The following ZEB1 variants were observed in gnomAD, a reference collection of about 807,000 sequenced individuals.
ZEB1 encodes the protein zinc finger E-box-binding homeobox 1.
In ZEB1, 21 loss-of-function variants were observed where a neutral mutation model predicts 84.9. That is an observed-to-expected ratio of 0.25 (90% CI 0.18 to 0.36). The LOEUF (loss-of-function observed/expected upper bound fraction) is 0.36. Ranked by LOEUF, ZEB1 falls within the 10% of genes least tolerant of loss-of-function variation. The pLI is 1.00. For synonymous variants in ZEB1, 420 were observed against 471.1 expected (o/e 0.89, Z 1.41); for missense variants, 1,104 against 1,330.2 (o/e 0.83, Z 2.65).
At chr10:31,495,958 T>C in intron 3 of ZEB1, 120 bp downstream of exon 3, 1 of 1,084,892 alleles carries the variant, frequency 9.2e-7, no homozygotes, top group Non-Finnish European at 1.4e-6. Flanking sequence ...TTACCTTCCT[T>C]AAATGTTTAA....
In ZEB1 at chr10:31,489,735, A is replaced by C. The variant is rs1591802577; in HGVS notation, c.260-6041A>C. Among the ~76,000 whole-genome samples the C allele has an allele frequency of 2.0e-5, 3 of 151,458 alleles. No individual in the cohort carries two copies. In the South Asian group the frequency reaches 6.2e-4, roughly 31 times the overall value. On this transcript the variant is annotated intron_variant, in intron 2 of 8. Coordinates refer to ENST00000424869, the MANE Select transcript of ZEB1 (RefSeq NM_001174096.2). ...TTTTACCCTGCCAAGTGGATTGTAT[A>C]AATCTTTCATGTAAGTCTTGTTATT...
At chr10:31,457,457 A>G (rs1301730860) in intron 1 of ZEB1, among the ~76,000 whole-genome samples, 1 of 152,172 alleles carries the variant, frequency 6.6e-6, no homozygotes, top group Non-Finnish European at 1.5e-5. Flanking sequence ...GACAGTAAAA[A>G]TCTTGGAAAA....
At chr10:31,373,822 C>A (rs2046149429) in intron 1 of ZEB1, among the ~76,000 whole-genome samples, 1 of 151,752 alleles carries the variant, frequency 6.6e-6, no homozygotes, top group Non-Finnish European at 1.5e-5. Flanking sequence ...GTGATAAAAT[C>A]AGACATCTCT....
Position 31,444,162 on chromosome 10 carries a change from A to G in ZEB1, c.59-16875A>G, listed in dbSNP as rs1487833358. Among the ~76,000 whole-genome samples, 7 of 149,814 alleles carry G rather than the reference A, an allele frequency of 4.7e-5. No homozygotes were observed. In the East Asian group the frequency reaches 1.2e-3, roughly 25 times the overall value. On this transcript the variant is annotated intron_variant, in intron 1 of 8. Transcript: ENST00000424869. ...TTTGATTTGCATTTCTCTGATGGCTAGTGATGATGAGCATTTTTTCATGTG... is the reference window on the plus strand; with the variant it reads ...TTTGATTTGCATTTCTCTGATGGCTGGTGATGATGAGCATTTTTTCATGTG...
intron 1 of ZEB1, among the ~76,000 whole-genome samples, chr10:31,329,243 G>A (rs1341567490): frequency 1.3e-5 from 2 of 152,070 alleles, no homozygotes. Context: ...CTAGAGGTTA[G>A]ATTTAATGTT....
chr10:31,506,389 A>G (rs1223233047), intron 4 of ZEB1, among the ~76,000 whole-genome samples: 1 of 152,084 alleles, frequency 6.6e-6, no homozygotes, highest in African/African-American at 2.4e-5. Context: ...TTATTGTATT[A>G]GAATCTGTCT....
At chr10:31,483,984 A>T (rs1164405401) in intron 2 of ZEB1, among the ~76,000 whole-genome samples, 2 of 151,850 alleles carry the variant, frequency 1.3e-5, no homozygotes, top group Non-Finnish European at 2.9e-5. Flanking sequence ...TCATACAAGG[A>T]CCCCATTTCC....
chr10:31,398,815 G>C (rs2051324392), intron 1 of ZEB1, among the ~76,000 whole-genome samples: 1 of 151,754 alleles, frequency 6.6e-6, no homozygotes, highest in African/African-American at 2.4e-5. Context: ...CCCTCTGGCT[G>C]CTGCTTTTTC....
intron 2 of ZEB1, among the ~76,000 whole-genome samples, chr10:31,466,263 A>C (rs1447853481): frequency 6.6e-6 from 1 of 152,220 alleles, no homozygotes; most frequent in Non-Finnish European, 1.5e-5. Flanking sequence ...CACTAGACAA[A>C]ATGGACCTGA....
chr10:31,443,487 GT>G (rs1450819440), intron 1 of ZEB1, among the ~76,000 whole-genome samples: 19 of 149,392 alleles, frequency 1.3e-4, no homozygotes, highest in Non-Finnish European at 2.4e-4. Context: ...ACGTATACAT[GT>G]GCCATGCTGG....
chr10:31,402,204 G>T (rs966202356), intron 1 of ZEB1, among the ~76,000 whole-genome samples: 1 of 152,022 alleles, frequency 6.6e-6, no homozygotes, highest in Non-Finnish European at 1.5e-5. Context: ...AAAAGTGTAG[G>T]TTGGAGATGG....
intron 1 of ZEB1, among the ~76,000 whole-genome samples, chr10:31,324,994 T>C (rs960873949): frequency 1.3e-5 from 2 of 152,114 alleles, no homozygotes; most frequent in Non-Finnish European, 1.5e-5. Context: ...TTGAGTATTA[T>C]GTCACTAAAG....
intron 1 of ZEB1, among the ~76,000 whole-genome samples, chr10:31,324,319 C>G (rs1564460567): frequency 6.6e-6 from 1 of 151,950 alleles, no homozygotes. Flanking sequence ...TGAGAAACTT[C>G]TGTTAAATTG....
intron 1 of ZEB1, among the ~76,000 whole-genome samples, chr10:31,385,648 C>T (rs1256943651): frequency 1.3e-5 from 2 of 151,890 alleles, no homozygotes; most frequent in African/African-American, 4.8e-5. Context: ...TGCCTTAGCC[C>T]CCCCAAGTAA....
intron 1 of ZEB1, among the ~76,000 whole-genome samples, chr10:31,335,464 C>T (rs1290219351): frequency 6.6e-6 from 1 of 152,080 alleles, no homozygotes; most frequent in East Asian, 1.9e-4. Flanking sequence ...TGGGTTTACT[C>T]TAGAATTTCA....
Position 31,364,966 on chromosome 10 carries a change from G to C in ZEB1, c.58+45674G>C, listed in dbSNP as rs191644946. 9.0e-4 allele frequency among the ~76,000 whole-genome samples: 137 copies of C among 152,278 alleles called. 1 individual carries two copies. The highest frequency in any genetic ancestry group is 3.2e-3 in the African/African-American group (131 of 41,548). On this transcript the variant is annotated intron_variant, in intron 1 of 8. Transcript: ENST00000424869. ...GCTCCAGTCCTCTACAAAGACGTAG[G>C]GCAGGAACTACCAGTTGTCAGCACA...
chr10:31,360,169 CT>C (rs1400379073), intron 1 of ZEB1, among the ~76,000 whole-genome samples: 1 of 152,136 alleles, frequency 6.6e-6, no homozygotes, highest in Non-Finnish European at 1.5e-5. Flanking sequence ...CCCTGTGCCC[CT>C]GCTCCTGCCC....
chr10:31,488,048 A>G (rs2065966914), intron 2 of ZEB1, among the ~76,000 whole-genome samples: 1 of 151,056 alleles, frequency 6.6e-6, no homozygotes. Context: ...GTTAGTCTAT[A>G]ATTTTTTTTC....
At chr10:31,523,766 C>T (rs1480955323) in intron 7 of ZEB1, among the ~76,000 whole-genome samples, 167 bp from the exon 8 acceptor site, 2 of 152,148 alleles carry the variant, frequency 1.3e-5, no homozygotes, top group Non-Finnish European at 2.9e-5. Flanking sequence ...TGATCTGGCC[C>T]CACCCTTGGG....
Sources: allele counts gnomAD v4.1 joint callset (sites outside exome capture counted in the v4.1 genomes callset), GRCh38; gene constraint gnomAD v4.1.1; transcripts MANE v1.5; gene names NCBI Gene and HGNC (gene_info 2026-07-23, HGNC 2026-07-21).